ZNF723: variants seen among roughly 807,000 people sequenced by gnomAD.
ZNF723 encodes zinc finger protein 723, also known as zinc finger protein 723, pseudogene.
Under a neutral mutation model 9.4 loss-of-function variants are expected in ZNF723, and 5 were observed. That is an observed-to-expected ratio of 0.53 (90% CI 0.28 to 1.12). The LOEUF (loss-of-function observed/expected upper bound fraction) is 1.12, where lower values mean the gene tolerates loss of function less well. Ranked by LOEUF, ZNF723 falls within the 50% of genes most tolerant of loss-of-function variation. ZNF723 has a pLI of 0.10. For synonymous variants in ZNF723, 158 were observed against 168.8 expected, an observed-to-expected ratio of 0.94 and a Z score of 0.49; for missense variants, 450 against 501.5, an observed-to-expected ratio of 0.90 and a Z score of 0.98.
In ZNF723 at chr19:22,848,716, G is replaced by A. The variant is rs145244880; in HGVS notation, c.130+329G>A. ...ACCAGCTTTTGATTCAGTGGTACTGGGTAGAGAAATTATTTTATTTATTTA... is the reference window on the plus strand; with the variant it reads ...ACCAGCTTTTGATTCAGTGGTACTGAGTAGAGAAATTATTTTATTTATTTA... On this transcript the variant is annotated intron_variant, in intron 2 of 3. Coordinates refer to ENST00000600766, the MANE Select transcript of ZNF723 (RefSeq NM_001349726.2). Among the ~76,000 whole-genome samples, 1,164 of 149,144 alleles carry A rather than the reference G, an allele frequency of 7.8e-3. 7 individuals carry two copies. Among genetic ancestry groups the A allele is most frequent in the Non-Finnish European group, 0.012 (802 of 67,572 alleles).
At chr19:22,824,391 A>G in the ZNF723 span, among the ~76,000 whole-genome samples, 2 of 151,966 alleles carry the variant, frequency 1.3e-5, no homozygotes, top group African/African-American at 4.8e-5. Flanking sequence ...CTAGCATCCA[A>G]GTGATGTGAC....
intron 1 of ZNF723, among the ~76,000 whole-genome samples, chr19:22,844,011 C>T (rs1327388328): frequency 1.3e-5 from 2 of 152,150 alleles, no homozygotes; most frequent in African/African-American, 4.8e-5. Flanking sequence ...CAGATTCACT[C>T]TATTTGGGGT....
At chr19:22,841,746 A>G (rs557334077) in intron 1 of ZNF723, among the ~76,000 whole-genome samples, 2 of 152,256 alleles carry the variant, frequency 1.3e-5, no homozygotes, top group Non-Finnish European at 2.9e-5. Context: ...TCAGAGTAAC[A>G]TGTGAGTGTT....
upstream of ZNF723, among the ~76,000 whole-genome samples, chr19:22,827,446 GTTT>G (rs764748409): frequency 0.097 from 14,405 of 148,578 alleles, 757 homozygotes; most frequent in Middle Eastern, 0.15. Flanking sequence ...TTGTTTTTTT[GTTT>G]GTTTGTTTGT....
At chr19:22,821,279 C>T in the ZNF723 span, among the ~76,000 whole-genome samples, 10 of 152,264 alleles carry the variant, frequency 6.6e-5, no homozygotes, top group African/African-American at 2.2e-4. Flanking sequence ...GACTATCCTG[C>T]CTGGGTAAAG....
chr19:22,849,658 C>T (rs1395212921), intron 3 of ZNF723, among the ~76,000 whole-genome samples: 2 of 152,102 alleles, frequency 1.3e-5, no homozygotes, highest in Non-Finnish European at 2.9e-5. Flanking sequence ...CCAGTAAACC[C>T]AGCACTTTGG....
the ZNF723 span, among the ~76,000 whole-genome samples, chr19:22,813,462 A>G: frequency 6.6e-6 from 1 of 152,068 alleles, no homozygotes; most frequent in Non-Finnish European, 1.5e-5. Context: ...CATCCAAGTA[A>G]TGTAAGTCTT....
intron 1 of ZNF723, among the ~76,000 whole-genome samples, chr19:22,837,285 A>G (rs1967178656): frequency 6.6e-6 from 1 of 151,748 alleles, no homozygotes; most frequent in African/African-American, 2.4e-5. Context: ...TTAAAAAAAA[A>G]AAAAAAGAAA....
At chr19:22,831,737 G>A (rs1175068905), upstream of ZNF723, among the ~76,000 whole-genome samples, 4 of 151,866 alleles carry the variant, frequency 2.6e-5, no homozygotes, top group East Asian at 3.9e-4. Flanking sequence ...GTGAAACCCC[G>A]TCTCTACTAA....
intron 1 of ZNF723, among the ~76,000 whole-genome samples, chr19:22,833,950 CG>C (rs1967132093): frequency 1.2e-5 from 1 of 83,938 alleles, no homozygotes; most frequent in African/African-American, 7.0e-5. Flanking sequence ...TTTTTTTTTC[CG>C]AGTCTCCTTC....
rs986772906 is a variant in ZNF723 at position 22,857,272 on chromosome 19, A to C, written c.381A>C (p.Lys127Asn). The C allele has an allele frequency of 4.9e-6, 4 of 818,912 alleles. No homozygotes were observed. The African/African-American group carries it at 5.0e-5, about 10-fold the overall frequency. The allele number at this position is 818,912 out of a possible 1,614,324, so 50.7% of individuals were successfully genotyped here. ...GTGTGGATGAGTGTAAGATGCACAA[A>C]GGAGGTTATGATGAACTTAAGCAAT... Reference protein sequence around the residue: ...CESVDECKMHKGGYDELKQCL... With the variant: ...CESVDECKMHNGGYDELKQCL... Residue 127 changes from lysine (K) to asparagine (N), a missense_variant, in exon 4 of 4, where the codon AAA becomes AAC. Around this residue, in one of 5 missense-constraint regions of ZNF723, gnomAD observed 143 missense variants for 101.3 expected, o/e 1.41. Coordinates refer to ENST00000600766, the MANE Select transcript of ZNF723 (RefSeq NM_001349726.2).
At chr19:22,840,472 G>C (rs1967229431) in intron 1 of ZNF723, 1 of 152,076 alleles carries the variant, frequency 6.6e-6, no homozygotes, top group Admixed American at 6.6e-5. Context: ...CAACTGGCCT[G>C]TCCCGTTTCT....
intron 2 of ZNF723, 42 bp downstream of exon 2, chr19:22,848,429 G>A (rs745541473): frequency 1.3e-4 from 162 of 1,266,076 alleles, no homozygotes; most frequent in Middle Eastern, 5.8e-4. Flanking sequence ...TACTGTAAAT[G>A]TTTCTTTTTT....
In ZNF723 at chr19:22,858,149, A is replaced by G; in HGVS notation, c.1258A>G (p.Thr420Ala). ...SALTTHKIIHTGERPYKCKQC... is the reference protein window; with the variant it reads ...SALTTHKIIHAGERPYKCKQC... ...CCTTACTACACATAAGATAATTCAT[A>G]CTGGAGAAAGACCTTACAAATGTAA... The change falls in exon 4 of 4, where the codon ACT becomes GCT. Residue 420 changes from threonine (T) to alanine (A), a missense_variant. Around this residue, in one of 5 missense-constraint regions of ZNF723, gnomAD observed 237 missense variants for 332.2 expected, o/e 0.71. Coordinates refer to ENST00000600766, the MANE Select transcript of ZNF723 (RefSeq NM_001349726.2). 1 of 1,424,812 alleles carries G rather than the reference A, an allele frequency of 7.0e-7. No homozygotes were observed. Among genetic ancestry groups the G allele is most frequent in the Non-Finnish European group, 9.9e-7 (1 of 1,009,286 alleles). 88.3% of individuals were successfully genotyped at this position (1,424,812 alleles called of 1,614,324 possible). A position where few individuals can be genotyped will look rare whatever the true frequency, so the allele number is the denominator to read the frequency against.
At chr19:22,840,718 C>T (rs1371530941) in intron 1 of ZNF723, 2 of 152,236 alleles carry the variant, frequency 1.3e-5, no homozygotes, top group South Asian at 2.1e-4. Context: ...CTATTAGTAT[C>T]CCATGATATC....
intron 1 of ZNF723, among the ~76,000 whole-genome samples, chr19:22,834,958 T>C (rs1023899804): frequency 2.6e-5 from 4 of 152,134 alleles, no homozygotes; most frequent in Admixed American, 1.3e-4. Context: ...GAGGGGGTCA[T>C]TGAGCATTTA....
At chr19:22,853,647 A>G (rs4932793) in intron 3 of ZNF723, among the ~76,000 whole-genome samples, 31,996 of 152,110 alleles carry the variant, frequency 0.21, 4,004 homozygotes, top group African/African-American at 0.35. Flanking sequence ...TATCTGAGAC[A>G]GAGCCTTGCT....
the ZNF723 span, among the ~76,000 whole-genome samples, chr19:22,821,327 A>G: frequency 2.0e-4 from 31 of 152,230 alleles, no homozygotes; most frequent in Admixed American, 5.2e-4. Context: ...TGGTGCAAGC[A>G]TCTAAGGTAT....
chr19:22,836,579 G>A (rs1229697257), intron 1 of ZNF723, among the ~76,000 whole-genome samples: 1 of 152,176 alleles, frequency 6.6e-6, no homozygotes, highest in Non-Finnish European at 1.5e-5. Flanking sequence ...TTATCCTGAA[G>A]TCAGCATGTT....
Sources: gnomAD v4.1 joint callset for allele counts (sites outside exome capture counted in the v4.1 genomes callset) on GRCh38, gnomAD v4.1.1 for gene constraint, gnomAD v4.1.1 regional missense constraint, MANE v1.5 for transcripts, NCBI Gene and HGNC (gene_info 2026-07-23, HGNC 2026-07-21) for gene names.